Variants in PLXDC2 observed in about 807,000 individuals in gnomAD.
PLXDC2 encodes the protein plexin domain-containing protein 2.
Under a neutral mutation model 68.9 loss-of-function variants are expected in PLXDC2, and 40 were observed. That is an observed-to-expected ratio of 0.58 (90% CI 0.45 to 0.76). The LOEUF (loss-of-function observed/expected upper bound fraction) is 0.76. Among genes scored for constraint, PLXDC2 ranks in the 30% least tolerant of loss-of-function variants. The pLI, the probability that PLXDC2 is intolerant of heterozygous loss-of-function variation, is 0.00. For missense variants in PLXDC2, 644 were observed against 661.9 expected, an observed-to-expected ratio of 0.97 and a Z score of 0.30; for synonymous variants, 243 against 234.2, an observed-to-expected ratio of 1.04 and a Z score of -0.34.
In PLXDC2 at chr10:19,914,518, G is replaced by A. The variant is rs192353082; in HGVS notation, c.113-87257G>A. Among the ~76,000 whole-genome samples, 202 of 152,260 alleles carry A rather than the reference G, an allele frequency of 1.3e-3. 1 individual carries two copies. Among genetic ancestry groups the A allele is most frequent in the South Asian group, 5.6e-3 (27 of 4,816 alleles). On this transcript the variant is annotated intron_variant, in intron 1 of 13. Transcript: ENST00000377252. Reference sequence around the variant, plus strand: ...ACCATTCACGAGAAATAAATGATAAGTAAAGAGTTGAAACGTTAAAGTTAC... The same window carrying A: ...ACCATTCACGAGAAATAAATGATAAATAAAGAGTTGAAACGTTAAAGTTAC...
chr10:20,248,815 G>A (rs2119342047), intron 13 of PLXDC2, among the ~76,000 whole-genome samples: 1 of 152,254 alleles, frequency 6.6e-6, no homozygotes, highest in African/African-American at 2.4e-5. Flanking sequence ...ATAAATGAGG[G>A]AACTGAATAT....
Position 20,211,682 on chromosome 10 carries a change from TTTGA to T in PLXDC2, c.1077_1080del (p.Asp360ValfsTer36). 1 of 1,613,184 alleles carries T rather than the reference TTTGA, an allele frequency of 6.2e-7. No homozygotes were observed. Among genetic ancestry groups the T allele is most frequent in the Non-Finnish European group, 8.5e-7 (1 of 1,179,368 alleles). On this transcript the variant is annotated frameshift_variant, in exon 10 of 14. Transcript: ENST00000377252. LOFTEE classifies it high-confidence loss of function. The stretch of plus-strand genomic sequence containing the variant: ...TCTTCTTTGAAGATGTTCCAGTGGA[TTTGA>T]TCGTCATCGGCAGGACTGGGTGGAC...
At chr10:19,908,067 A>G (rs974984264) in intron 1 of PLXDC2, among the ~76,000 whole-genome samples, 1 of 152,226 alleles carries the variant, frequency 6.6e-6, no homozygotes, top group Non-Finnish European at 1.5e-5. Context: ...CAATTAAAAA[A>G]TAGTTTATAA....
intron 7 of PLXDC2, among the ~76,000 whole-genome samples, chr10:20,173,585 C>T (rs1238275484): frequency 6.6e-6 from 1 of 152,088 alleles, no homozygotes; most frequent in African/African-American, 2.4e-5. Context: ...CTTAAGCTTT[C>T]GATCACATTT....
At chr10:20,191,303 T>C (rs904995943) in intron 9 of PLXDC2, among the ~76,000 whole-genome samples, 30 of 151,850 alleles carry the variant, frequency 2.0e-4, no homozygotes, top group African/African-American at 6.8e-4. Context: ...GAAAGCCACT[T>C]TTACTTTTAC....
At chr10:20,279,092 A>G (rs1462390027) in intron 13 of PLXDC2, among the ~76,000 whole-genome samples, 1 of 152,228 alleles carries the variant, frequency 6.6e-6, no homozygotes, top group Non-Finnish European at 1.5e-5. Flanking sequence ...CTGATAATAG[A>G]TTCCATTTTT....
intron 13 of PLXDC2, among the ~76,000 whole-genome samples, chr10:20,251,973 A>G (rs1304315283): frequency 1.3e-5 from 2 of 152,054 alleles, no homozygotes. Flanking sequence ...AACTAAGAGT[A>G]CCTAATCCTG....
At chr10:20,044,278 TTTCTTTCTTTCTTTC>T (rs1436779558) in intron 2 of PLXDC2, among the ~76,000 whole-genome samples, 10 of 124,724 alleles carry the variant, frequency 8.0e-5, no homozygotes, top group East Asian at 2.6e-4. Context: ...TCTTTCTTTC[TTTCTTTCTTTCTTTC>T]TTCTTTCTCT....
chr10:20,108,872 G>A (rs1043801169), intron 4 of PLXDC2, among the ~76,000 whole-genome samples: 10 of 152,138 alleles, frequency 6.6e-5, no homozygotes, highest in African/African-American at 2.2e-4. Context: ...AAGAATGTAG[G>A]GTTTTGCTAA....
At chr10:20,137,662 G>A (rs758773523) in intron 4 of PLXDC2, among the ~76,000 whole-genome samples, 1 of 152,206 alleles carries the variant, frequency 6.6e-6, no homozygotes, top group African/African-American at 2.4e-5. Flanking sequence ...AAAATCCAAT[G>A]AGGGAGAGTA....
chr10:20,091,686 A>G (rs1414605383), intron 4 of PLXDC2: 1 of 152,146 alleles, frequency 6.6e-6, no homozygotes, highest in Non-Finnish European at 1.5e-5. Flanking sequence ...AAATGCTTGA[A>G]GTTTTAAAAT....
chr10:20,131,125 T>C (rs1564326933), intron 4 of PLXDC2, among the ~76,000 whole-genome samples: 1 of 151,778 alleles, frequency 6.6e-6, no homozygotes, highest in Non-Finnish European at 1.5e-5. Flanking sequence ...ATCTCTTTGT[T>C]TGGAGGTTTT....
At chr10:19,862,423 G>A (rs1167001166) in intron 1 of PLXDC2, among the ~76,000 whole-genome samples, 2 of 152,082 alleles carry the variant, frequency 1.3e-5, no homozygotes, top group Non-Finnish European at 2.9e-5. Context: ...CTATTTTCAA[G>A]GCACTCTTTC....
chr10:19,868,464 C>T (rs923345085), intron 1 of PLXDC2, among the ~76,000 whole-genome samples: 5 of 152,252 alleles, frequency 3.3e-5, no homozygotes, highest in Admixed American at 3.3e-4. Context: ...GGCACATTCT[C>T]GGAAATAGCA....
intron 4 of PLXDC2, among the ~76,000 whole-genome samples, chr10:20,092,279 C>A (rs953329339): frequency 2.0e-5 from 3 of 152,074 alleles, no homozygotes; most frequent in Admixed American, 2.0e-4. Flanking sequence ...TTACTTTAAG[C>A]CTTATCCGGT....
intron 3 of PLXDC2, among the ~76,000 whole-genome samples, chr10:20,067,410 G>T (rs1327285875): frequency 1.3e-5 from 2 of 152,170 alleles, no homozygotes; most frequent in African/African-American, 4.8e-5. Context: ...GGTCAGCCGG[G>T]CATGGTGGCT....
chr10:20,131,732 T>C (rs1037186755), intron 4 of PLXDC2, among the ~76,000 whole-genome samples: 1 of 152,190 alleles, frequency 6.6e-6, no homozygotes, highest in Non-Finnish European at 1.5e-5. Flanking sequence ...TTTTTCTTAG[T>C]TTAACTAAAA....
chr10:19,900,810 G>A (rs1010900795), intron 1 of PLXDC2, among the ~76,000 whole-genome samples: 1 of 151,668 alleles, frequency 6.6e-6, no homozygotes, highest in African/African-American at 2.4e-5. Context: ...TTATGCGTTT[G>A]TTTCCTCATA....
intron 4 of PLXDC2, among the ~76,000 whole-genome samples, chr10:20,105,681 A>C (rs1182889367): frequency 6.6e-6 from 1 of 152,022 alleles, no homozygotes; most frequent in African/African-American, 2.4e-5. Flanking sequence ...CTCTGCAGCA[A>C]CCCGGAGCAA....
Sources: allele counts gnomAD v4.1 joint callset (sites outside exome capture counted in the v4.1 genomes callset), GRCh38; gene constraint gnomAD v4.1.1; transcripts MANE v1.5; gene names NCBI Gene and HGNC (gene_info 2026-07-23, HGNC 2026-07-21).